Variants in RAP1GAP2 observed in about 807,000 individuals in gnomAD.
The protein encoded by RAP1GAP2 is RAP1 GTPase activating protein 2.
RAP1GAP2 carries 27 observed loss-of-function variants against 95.0 expected under a neutral mutation model. The ratio of observed to expected loss-of-function variants is 0.28; its 90% CI spans 0.21 to 0.39. The LOEUF (loss-of-function observed/expected upper bound fraction) is 0.39. Among genes scored for constraint, RAP1GAP2 ranks in the 10% least tolerant of loss-of-function variants. RAP1GAP2 has a pLI of 1.00. For synonymous variants in RAP1GAP2, 373 were observed against 380.9 expected (o/e 0.98, Z 0.24); for missense variants, 771 against 970.0 (o/e 0.79, Z 2.72).
chr17:2,867,931 C>T lies in RAP1GAP2; in HGVS notation c.81-37353C>T, dbSNP rs569143961. On this transcript the variant is annotated intron_variant, in intron 2 of 24. Coordinates refer to ENST00000254695, the MANE Select transcript of RAP1GAP2 (RefSeq NM_015085.5). The surrounding 1 kb of genome is among the most constrained non-coding windows in gnomAD (Gnocchi z 4.5). ...CTTTCTTCTTCACGGATGCAGCTCG[C>T]GGGATCCCCAAGCCTTTGGTAGTAA... Among the ~76,000 whole-genome samples the T allele has an allele frequency of 2.9e-4, 44 of 152,258 alleles. No homozygotes were observed. Among genetic ancestry groups the T allele is most frequent in the East Asian group, 7.7e-4 (4 of 5,180 alleles).
At chr17:2,836,327 G>A (rs1337730801) in intron 2 of RAP1GAP2, among the ~76,000 whole-genome samples, 1 of 151,990 alleles carries the variant, frequency 6.6e-6, no homozygotes, top group Non-Finnish European at 1.5e-5. Context: ...TTTGTAATTG[G>A]TAAGTTTAAG....
In RAP1GAP2 at chr17:2,903,358, T is replaced by G. The variant is rs2042086733; in HGVS notation, c.81-1926T>G. Among the ~76,000 whole-genome samples, 2 of 152,160 alleles carry G rather than the reference T, an allele frequency of 1.3e-5. No individual in the cohort carries two copies. The highest frequency in any genetic ancestry group is 2.4e-5 in the African/African-American group (1 of 41,448). On this transcript the variant is annotated intron_variant, in intron 2 of 24. Transcript: ENST00000254695. This position sits in a 1 kb window ranked among gnomAD's most constrained non-coding sequence, Gnocchi z 4.1. ...GAGCCTGTGCTGGACCCAGCTCTGT[T>G]GTGCACACAGGCAGGTGAGTGTCTG...
intron 2 of RAP1GAP2, among the ~76,000 whole-genome samples, chr17:2,853,584 GCCT>G (rs1488262588): frequency 6.7e-6 from 1 of 150,188 alleles, no homozygotes; most frequent in Non-Finnish European, 1.5e-5. Flanking sequence ...AGCGCTGTCC[GCCT>G]CCTCCTGCGC....
chr17:2,868,816 G>T (rs1400654704), intron 2 of RAP1GAP2, among the ~76,000 whole-genome samples: 2 of 152,134 alleles, frequency 1.3e-5, no homozygotes, highest in African/African-American at 4.8e-5. Context: ...ACTGTGCCCG[G>T]CCAGAACAGA....
rs889076225 is a variant in RAP1GAP2, at chr17:2,962,855, G to A, written c.246+141G>A. 2.0e-5 allele frequency: 16 copies of A among 792,232 alleles called. No individual in the cohort carries two copies. In the East Asian group the frequency reaches 2.5e-4, roughly 13 times the overall value. The allele number at this position is 792,232 out of a possible 1,614,324, so 49.1% of individuals were successfully genotyped here. A position where few individuals can be genotyped will look rare whatever the true frequency, so the allele number is the denominator to read the frequency against. On this transcript the variant is annotated intron_variant, in intron 5 of 24. Transcript: ENST00000254695. ...TGACTCGCACCACGGGCCGCTTCAC[G>A]ACTGCCTTGTTAGACCAGTGCACGG...
At chr17:3,001,525 AGGGACAGAAGAAGCAGGGAG>A in intron 14 of RAP1GAP2, among the ~76,000 whole-genome samples, 1 of 97,626 alleles carries the variant, frequency 1.0e-5, no homozygotes. Flanking sequence ...ATGCCGGAGA[AGGGACAGAAGAAGCAGGGAG>A]TGCAGGTCCA....
At chr17:2,995,259 C>G (rs2045912190) in intron 12 of RAP1GAP2, 78 bp from the exon 13 acceptor site, 5 of 1,507,302 alleles carry the variant, frequency 3.3e-6, no homozygotes, top group Non-Finnish European at 4.6e-6. Flanking sequence ...GCTGCGTATA[C>G]TTAGGGGAGC....
At chr17:2,921,407 T>C (rs1160989664) in intron 3 of RAP1GAP2, among the ~76,000 whole-genome samples, 2 of 152,108 alleles carry the variant, frequency 1.3e-5, no homozygotes, top group African/African-American at 4.8e-5. Context: ...TTTGCCATGT[T>C]GGTCAGGCTG....
chr17:2,872,213 C>CAAAAAAAA (rs562587177), intron 2 of RAP1GAP2, among the ~76,000 whole-genome samples: 23,440 of 75,114 alleles, frequency 0.31, 4,796 homozygotes, highest in Non-Finnish European at 0.44. Flanking sequence ...GCCTCTGTCT[C>CAAAAAAAA]AAAAAAAAAA....
At chr17:2,800,264 G>A (rs1040654741) in intron 1 of RAP1GAP2, 11 of 974,840 alleles carry the variant, frequency 1.1e-5, no homozygotes, top group Non-Finnish European at 1.3e-5. Flanking sequence ...ACCTTTCTGA[G>A]CCTGGGTTTC....
At chr17:2,772,182 G>T (rs2068410918), upstream of RAP1GAP2, among the ~76,000 whole-genome samples, 1 of 151,904 alleles carries the variant, frequency 6.6e-6, no homozygotes, top group Non-Finnish European at 1.5e-5. Context: ...GTAGAGACGG[G>T]GTTTCACCAT....
chr17:2,912,301 T>A (rs1228487556), intron 3 of RAP1GAP2, among the ~76,000 whole-genome samples: 4 of 150,678 alleles, frequency 2.7e-5, no homozygotes, highest in Non-Finnish European at 5.9e-5. Flanking sequence ...GGTTGGGGGG[T>A]GGTGTGTGGG....
intron 1 of RAP1GAP2, among the ~76,000 whole-genome samples, chr17:2,799,873 G>A (rs1290974266): frequency 3.3e-5 from 5 of 152,176 alleles, no homozygotes; most frequent in African/African-American, 1.2e-4. Context: ...TCCAGTGAGG[G>A]CGGGCACAGG....
intron 2 of RAP1GAP2, among the ~76,000 whole-genome samples, chr17:2,807,196 C>A (rs1018109237): frequency 6.6e-6 from 1 of 152,242 alleles, no homozygotes; most frequent in Non-Finnish European, 1.5e-5. Context: ...CGCCTCCGGC[C>A]GTTGATTCCA....
intron 2 of RAP1GAP2, among the ~76,000 whole-genome samples, chr17:2,801,844 C>T (rs1003051344): frequency 6.6e-6 from 1 of 152,130 alleles, no homozygotes; most frequent in Admixed American, 6.6e-5. Context: ...CCTCTCTTCC[C>T]TCACCACCTT....
intron 1 of RAP1GAP2, among the ~76,000 whole-genome samples, chr17:2,788,053 C>T (rs1050695567): frequency 3.3e-5 from 5 of 152,134 alleles, no homozygotes; most frequent in Admixed American, 2.6e-4. Flanking sequence ...ATATGATTAA[C>T]ATCTGTATAC....
At chr17:2,763,511 C>T (rs575960600) in intron 1 of RAP1GAP2, among the ~76,000 whole-genome samples, 2 of 152,202 alleles carry the variant, frequency 1.3e-5, no homozygotes, top group South Asian at 2.1e-4. Context: ...GGCTGGCAAT[C>T]ATGGTGCAAC....
At chr17:2,839,787 A>G (rs1172814633) in intron 2 of RAP1GAP2, among the ~76,000 whole-genome samples, 1 of 152,114 alleles carries the variant, frequency 6.6e-6, no homozygotes, top group Non-Finnish European at 1.5e-5. Flanking sequence ...GACCAGGTAT[A>G]GAACCATTTT....
At chr17:2,950,635 G>C (rs2043889777) in intron 3 of RAP1GAP2, among the ~76,000 whole-genome samples, 1 of 133,404 alleles carries the variant, frequency 7.5e-6, no homozygotes, top group African/African-American at 3.1e-5. Context: ...TTTTGAGACA[G>C]AGTCTTGCTC....
Sources: allele counts gnomAD v4.1 joint callset (sites outside exome capture counted in the v4.1 genomes callset), GRCh38; gene constraint gnomAD v4.1.1; non-coding constraint Gnocchi (gnomAD v3.1); transcripts MANE v1.5; gene names NCBI Gene and HGNC (gene_info 2026-07-23, HGNC 2026-07-21).